EIF5B: variants seen among roughly 807,000 people sequenced by gnomAD.
The protein encoded by EIF5B is eIF-5B.
EIF5B carries 47 observed loss-of-function variants against 147.5 expected under a neutral mutation model. That is an observed-to-expected ratio of 0.32 (90% CI 0.25 to 0.41). The LOEUF is 0.41. Ranked by LOEUF, EIF5B falls within the 10% of genes least tolerant of loss-of-function variation. The pLI, the probability that EIF5B is intolerant of heterozygous loss-of-function variation, is 1.00. For missense variants in EIF5B, 1,064 were observed against 1,413.2 expected, an observed-to-expected ratio of 0.75 and a Z score of 3.96; for synonymous variants, 455 against 456.2, an observed-to-expected ratio of 1.00 and a Z score of 0.03.
Position 99,399,303 on chromosome 2 carries a change from G to A in EIF5B, c.3556-4G>A, listed in dbSNP as rs751736211. 2.5e-6 allele frequency: 4 copies of A among 1,613,862 alleles called. No homozygotes were observed. Among genetic ancestry groups the A allele is most frequent in the Non-Finnish European group, 3.4e-6 (4 of 1,179,888 alleles). On this transcript the variant is annotated splice_region_variant and splice_polypyrimidine_tract_variant and intron_variant, in intron 23 of 23. Coordinates refer to ENST00000289371, the MANE Select transcript of EIF5B (RefSeq NM_015904.4). The stretch of plus-strand genomic sequence containing the variant: ...TTACCCTGTTTGTGCCTCGGGCATT[G>A]CAGATCAGCCGGCAGTCCATTGATG...
chr2:99,380,260 C>T (rs1158345360), intron 12 of EIF5B, among the ~76,000 whole-genome samples: 1 of 151,972 alleles, frequency 6.6e-6, no homozygotes, highest in Non-Finnish European at 1.5e-5. Flanking sequence ...CTATGTTGCC[C>T]AGGCTGGTCT....
At chr2:99,375,474 C>T (rs897778900) in intron 9 of EIF5B, among the ~76,000 whole-genome samples, 1 of 152,156 alleles carries the variant, frequency 6.6e-6, no homozygotes, top group Non-Finnish European at 1.5e-5. Flanking sequence ...TGATTGTACC[C>T]CACAGTAAGG....
intron 21 of EIF5B, among the ~76,000 whole-genome samples, chr2:99,396,406 T>C (rs1391964721): frequency 6.6e-6 from 1 of 152,206 alleles, no homozygotes; most frequent in Non-Finnish European, 1.5e-5. Flanking sequence ...CACCAGGTAC[T>C]GCCTAGGTTC....
chr2:99,337,794 T>TCGAG (rs1161532109), intron 1 of EIF5B, among the ~76,000 whole-genome samples: 4 of 145,160 alleles, frequency 2.8e-5, no homozygotes, highest in Admixed American at 6.8e-5. Context: ...GTCCTCCCAG[T>TCGAG]CGAGCCTCGC....
intron 22 of EIF5B, chr2:99,397,947 T>C (rs1675094204): frequency 6.6e-6 from 1 of 151,644 alleles, no homozygotes; most frequent in South Asian, 2.1e-4. Context: ...TTTTTTTTAA[T>C]ATAATCCATT....
At chr2:99,392,338 CCCAGTT>C (rs1674956145) in intron 17 of EIF5B, among the ~76,000 whole-genome samples, 1 of 152,000 alleles carries the variant, frequency 6.6e-6, no homozygotes, top group South Asian at 2.1e-4. Context: ...CCGCACCCGG[CCCAGTT>C]TTTGATTTTT....
intron 9 of EIF5B, among the ~76,000 whole-genome samples, 171 bp from the exon 10 acceptor site, chr2:99,376,176 A>G (rs752687995): frequency 2.0e-5 from 3 of 152,076 alleles, no homozygotes; most frequent in Non-Finnish European, 4.4e-5. Flanking sequence ...CTGATCAGCT[A>G]TTGTTAGTGT....
At chr2:99,345,175 G>A (rs2094269765) in intron 1 of EIF5B, among the ~76,000 whole-genome samples, 1 of 152,178 alleles carries the variant, frequency 6.6e-6, no homozygotes, top group African/African-American at 2.4e-5. Context: ...TTATTATAGT[G>A]TTAGACGTGT....
chr2:99,390,483 T>C, intron 16 of EIF5B, 61 bp from the exon 17 acceptor site: 2 of 1,585,278 alleles, frequency 1.3e-6, no homozygotes, highest in Middle Eastern at 3.4e-4. Flanking sequence ...TTACTACTTT[T>C]AGATTTAATG....
At chr2:99,357,931 C>T (rs1342253209) in intron 1 of EIF5B, among the ~76,000 whole-genome samples, 5 of 152,152 alleles carry the variant, frequency 3.3e-5, no homozygotes, top group African/African-American at 9.7e-5. Context: ...TTATCTAACT[C>T]ATTTACATCT....
Position 99,389,830 on chromosome 2 carries a change from T to C in EIF5B, c.2384T>C (p.Ile795Thr). The C allele has an allele frequency of 1.2e-6, 2 of 1,611,578 alleles. No homozygotes were observed. Among genetic ancestry groups the C allele is most frequent in the Non-Finnish European group, 1.7e-6 (2 of 1,179,336 alleles). Residue 795 changes from isoleucine to threonine, a missense_variant, in exon 15 of 24, where the codon ATT becomes ACT. This residue lies in a region of EIF5B where 380 missense variants were observed against 715.6 expected (regional missense o/e 0.53). Coordinates refer to ENST00000289371, the MANE Select transcript of EIF5B (RefSeq NM_015904.4). ...TTTGAGGAGCGAGCAAAGGCTATTA[T>C]TGTAGAATTTGCACAGCAGGTAAGA... Reference protein sequence around the residue: ...DEFEERAKAIIVEFAQQGLNA... With the variant: ...DEFEERAKAITVEFAQQGLNA...
In EIF5B at chr2:99,384,114, G is replaced by T. The variant is rs888799861; in HGVS notation, c.2271+1193G>T. Among the ~76,000 whole-genome samples the T allele has an allele frequency of 2.0e-5, 3 of 149,006 alleles. No homozygotes were observed. The East Asian group carries it at 5.9e-4, about 29-fold the overall frequency. The stretch of plus-strand genomic sequence containing the variant: ...CGGGAGGCTGAGGCAGGAGAATGGC[G>T]TGAACCCGGGAGGCGGAGCTTGCAG... On this transcript the variant is annotated intron_variant, in intron 14 of 23. Coordinates refer to ENST00000289371, the MANE Select transcript of EIF5B (RefSeq NM_015904.4).
At chr2:99,363,948 G>A in intron 5 of EIF5B, 86 bp downstream of exon 5, 2 of 1,391,290 alleles carry the variant, frequency 1.4e-6, no homozygotes, top group Non-Finnish European at 9.8e-7. Context: ...TTCTAATTCT[G>A]AAAATTTCAT....
rs775794794 is a variant in EIF5B, at chr2:99,361,666, A to G, written c.765A>G (p.Glu255=). 3 of 1,598,422 alleles carry G rather than the reference A, an allele frequency of 1.9e-6. No individual in the cohort carries two copies. The South Asian group carries it at 3.5e-5, about 18-fold the overall frequency. ...AAGCGAAACTGCGGAAGCTGAAAGA[A>G]AAAGAAGAGTTAGAAACAGGTAAAA... The part of the protein sequence containing the change: ...EEKAKLRKLK[E]KEELETGKKD... Residue 255 remains glutamate (E), a synonymous_variant, in exon 4 of 24, where the codon GAA becomes GAG. Coordinates refer to ENST00000289371, the MANE Select transcript of EIF5B (RefSeq NM_015904.4).
chr2:99,359,367 T>C (rs1197234416), intron 1 of EIF5B, among the ~76,000 whole-genome samples: 1 of 150,816 alleles, frequency 6.6e-6, no homozygotes, highest in Non-Finnish European at 1.5e-5. Flanking sequence ...AGAGTCCGTC[T>C]CAAAAAAAGG....
chr2:99,367,853 A>G (rs536807068), intron 6 of EIF5B, among the ~76,000 whole-genome samples: 3 of 152,316 alleles, frequency 2.0e-5, no homozygotes, highest in Admixed American at 2.0e-4. Flanking sequence ...TATTTACCTT[A>G]TGTTTCATCA....
intron 6 of EIF5B, among the ~76,000 whole-genome samples, chr2:99,366,673 C>A (rs971415334): frequency 1.1e-4 from 16 of 152,156 alleles, no homozygotes; most frequent in African/African-American, 3.9e-4. Flanking sequence ...ATCCAGTAAT[C>A]TGTAGATTCA....
In EIF5B at chr2:99,390,398, G is replaced by A; in HGVS notation, c.2583G>A (p.Met861Ile). Residue 861 changes from methionine (M) to isoleucine (I), a missense_variant, in exon 16 of 24, where the codon ATG becomes ATA. Physicochemically the swap from Met to Ile is conservative, Grantham distance 10 (BLOSUM62 1). Around this residue, in one of 4 missense-constraint regions of EIF5B, gnomAD observed 380 missense variants for 715.6 expected, o/e 0.53. Transcript: ENST00000289371. Reference sequence around the variant, plus strand: ...GTGAAGAGCTGAGAGCACAGGTGATGGAGGTAATGATCAACTTTTCAGTTT... The same window carrying A: ...GTGAAGAGCTGAGAGCACAGGTGATAGAGGTAATGATCAACTTTTCAGTTT... ...AHCEELRAQV[M>I]EVKALPGMGT... The A allele has an allele frequency of 1.9e-6, 3 of 1,605,354 alleles. No homozygotes were observed. The highest frequency in any genetic ancestry group is 2.5e-6 in the Non-Finnish European group (3 of 1,177,242).
intron 21 of EIF5B, 131 bp downstream of exon 21, chr2:99,395,014 G>T: frequency 1.1e-6 from 1 of 883,606 alleles, no homozygotes; most frequent in Non-Finnish European, 1.7e-6. Flanking sequence ...ATCCTGAAAT[G>T]GTGTGTTACA....
Sources: gnomAD v4.1 joint callset for allele counts (sites outside exome capture counted in the v4.1 genomes callset) on GRCh38, gnomAD v4.1.1 for gene constraint, gnomAD v4.1.1 regional missense constraint, MANE v1.5 for transcripts, NCBI Gene and HGNC (gene_info 2026-07-23, HGNC 2026-07-21) for gene names.